Variants in MTHFD1 observed in about 807,000 individuals in gnomAD.
The protein encoded by MTHFD1 is methylenetetrahydrofolate dehydrogenase, cyclohydrolase and formyltetrahydrofolate synthetase 1, also known as C-1-tetrahydrofolate synthase, cytoplasmic.
Under a neutral mutation model 110.3 loss-of-function variants are expected in MTHFD1, and 44 were observed. That is an observed-to-expected ratio of 0.40 (90% CI 0.31 to 0.51). The LOEUF (loss-of-function observed/expected upper bound fraction) is 0.51. MTHFD1 is among the 20% of genes least tolerant of loss of function. The probability of loss-of-function intolerance (pLI) is 0.60; values close to 1 mark genes in which losing one functional copy is unlikely to be tolerated. For missense variants in MTHFD1, 909 were observed against 1,173.1 expected (o/e 0.77, Z 3.29); for synonymous variants, 402 against 428.8 (o/e 0.94, Z 0.77).
At chr14:64,426,213 GC>G (rs1456792478) in intron 11 of MTHFD1, 21 bp downstream of exon 11, 1 of 1,613,846 alleles carries the variant, frequency 6.2e-7, no homozygotes, top group Non-Finnish European at 8.5e-7. Context: ...TATTCATGTT[GC>G]CATCCAAATC....
At chr14:64,406,249 G>C (rs1337991336) in intron 2 of MTHFD1, among the ~76,000 whole-genome samples, 1 of 151,476 alleles carries the variant, frequency 6.6e-6, no homozygotes, top group Non-Finnish European at 1.5e-5. Context: ...ATGTTGGTCA[G>C]GCTGGTCTTG....
chr14:64,431,813 A>G lies in MTHFD1; in HGVS notation c.1446A>G (p.Ser482=), dbSNP rs1322240932. The change falls in exon 15 of 28, where the codon TCA becomes TCG. Residue 482 remains serine (S), a synonymous_variant. Transcript: ENST00000652337. ...DKALFNRLVP[S]VNGVRRFSDI... ...CTCTCTTTAATCGTTTGGTGCCATC[A>G]GTAAATGGAGTGAGAAGGTTCTCTG... 1 of 1,614,102 alleles carries G rather than the reference A, an allele frequency of 6.2e-7. No individual in the cohort carries two copies. The highest frequency in any genetic ancestry group is 8.5e-7 in the Non-Finnish European group (1 of 1,180,030).
At chr14:64,408,144 G>C (rs1223612572) in intron 2 of MTHFD1, among the ~76,000 whole-genome samples, 2 of 152,048 alleles carry the variant, frequency 1.3e-5, no homozygotes. Context: ...GTCCCACAAA[G>C]CCTAAAATAT....
chr14:64,435,483 T>C, intron 15 of MTHFD1, 86 bp from the exon 16 acceptor site: 1 of 835,390 alleles, frequency 1.2e-6, no homozygotes, highest in East Asian at 2.4e-5. Context: ...GGGATCCCAT[T>C]TAGAGGTAGG....
intron 1 of MTHFD1, among the ~76,000 whole-genome samples, chr14:64,393,707 C>T (rs2077825264): frequency 6.6e-6 from 1 of 152,166 alleles, no homozygotes; most frequent in African/African-American, 2.4e-5. Context: ...TGGGATCAGG[C>T]AGTTTGGGAT....
intron 1 of MTHFD1, chr14:64,390,226 A>G (rs1174309090): frequency 6.6e-6 from 1 of 152,210 alleles, no homozygotes; most frequent in Non-Finnish European, 1.5e-5. Context: ...ATGATCATTT[A>G]TAATTCTTCC....
chr14:64,420,808 T>C (rs926644765), intron 8 of MTHFD1, among the ~76,000 whole-genome samples: 1 of 152,214 alleles, frequency 6.6e-6, no homozygotes, highest in Non-Finnish European at 1.5e-5. Context: ...GCATGGTGAA[T>C]ACCTGTCTTC....
At chr14:64,388,522 G>A (rs1007203059) in intron 1 of MTHFD1, 54 bp downstream of exon 1, 11 of 1,550,868 alleles carry the variant, frequency 7.1e-6, no homozygotes, top group Non-Finnish European at 9.8e-6. Flanking sequence ...GGCTCTGAGG[G>A]TGTGCAGGTC....
intron 25 of MTHFD1, 27 bp from the exon 26 acceptor site, chr14:64,454,696 C>T (rs766325726): frequency 2.5e-6 from 4 of 1,600,446 alleles, no homozygotes; most frequent in Non-Finnish European, 3.4e-6. Context: ...TTTCATTTGT[C>T]CTCCCTCTCT....
rs2078033263 is a variant in MTHFD1 at position 64,417,491 on chromosome 14, T to A, written c.479-397T>A. 6.6e-6 allele frequency among the ~76,000 whole-genome samples: 1 copy of A among 152,240 alleles called. No homozygotes were observed. The highest frequency in any genetic ancestry group is 6.5e-5 in the Admixed American group (1 of 15,286). On this transcript the variant is annotated intron_variant, in intron 6 of 27. Transcript: ENST00000652337. This position sits in a 1 kb window ranked among gnomAD's most constrained non-coding sequence, Gnocchi z 4.4. ...CGATACTAATCTAATTTCTTACACA[T>A]CTCTCCAGCCTGTTACATACACCCT...
intron 2 of MTHFD1, among the ~76,000 whole-genome samples, chr14:64,410,407 TGGG>T (rs34498014): frequency 3.4e-5 from 5 of 148,850 alleles, no homozygotes; most frequent in African/African-American, 7.5e-5. Flanking sequence ...TTTGTAAAGA[TGGG>T]GGGGGGGGTC....
chr14:64,396,875 A>C (rs2077853611), intron 1 of MTHFD1, among the ~76,000 whole-genome samples: 1 of 148,226 alleles, frequency 6.7e-6, no homozygotes. Flanking sequence ...GAGGCCGAGG[A>C]GGGCAGATCA....
At chr14:64,395,435 G>T (rs1175154276) in intron 1 of MTHFD1, among the ~76,000 whole-genome samples, 1 of 152,178 alleles carries the variant, frequency 6.6e-6, no homozygotes, top group Non-Finnish European at 1.5e-5. Context: ...GAGTGGGTGG[G>T]GGTGGGGGAG....
At chr14:64,394,613 A>G (rs1445605166) in intron 1 of MTHFD1, among the ~76,000 whole-genome samples, 1 of 150,152 alleles carries the variant, frequency 6.7e-6, no homozygotes, top group African/African-American at 2.4e-5. Flanking sequence ...CTGGTGCTTG[A>G]GAGGTCCCAG....
chr14:64,456,971 C>A (rs61241503), intron 26 of MTHFD1, among the ~76,000 whole-genome samples: 28 of 152,222 alleles, frequency 1.8e-4, no homozygotes, highest in African/African-American at 6.5e-4. Flanking sequence ...TAAAAATATA[C>A]GGAGTTTTCA....
intron 15 of MTHFD1, among the ~76,000 whole-genome samples, chr14:64,434,807 G>C (rs948298308): frequency 1.3e-4 from 20 of 150,830 alleles, no homozygotes; most frequent in African/African-American, 4.6e-4. Flanking sequence ...GAGCTTCTGG[G>C]AGCGATGAAT....
chr14:64,391,755 C>T (rs1015348846), intron 1 of MTHFD1, among the ~76,000 whole-genome samples: 4 of 152,154 alleles, frequency 2.6e-5, no homozygotes, highest in Non-Finnish European at 4.4e-5. Context: ...ATTTGACAAC[C>T]GGGGGAAGGT....
At chr14:64,419,043 G>A (rs955394383) in intron 7 of MTHFD1, among the ~76,000 whole-genome samples, 5 of 152,152 alleles carry the variant, frequency 3.3e-5, no homozygotes, top group South Asian at 2.1e-4. Flanking sequence ...TTTTTGTAGC[G>A]ACAGGGGTCT....
In MTHFD1 at chr14:64,453,733, C is replaced by A. The variant is rs775698437; in HGVS notation, c.2458-21C>A. 1.7e-5 allele frequency: 24 copies of A among 1,413,878 alleles called. 1 individual carries two copies. In the Middle Eastern group the frequency reaches 7.0e-4, roughly 41 times the overall value. The allele number at this position is 1,413,878 out of a possible 1,614,324, so 87.6% of individuals were successfully genotyped here. On this transcript the variant is annotated intron_variant, in intron 24 of 27. Transcript: ENST00000652337. ...CACATGTGTCCAGTCATGGTGTCCC[C>A]ATCTCTTTCTTGTGCATTAGCTCCC...
Sources: gnomAD v4.1 joint callset for allele counts (sites outside exome capture counted in the v4.1 genomes callset) on GRCh38, gnomAD v4.1.1 for gene constraint, Gnocchi (gnomAD v3.1) non-coding constraint, MANE v1.5 for transcripts, NCBI Gene and HGNC (gene_info 2026-07-23, HGNC 2026-07-21) for gene names.